Variants in CNTN4 observed in about 807,000 individuals in gnomAD.
CNTN4 encodes the protein contactin 4.
Under a neutral mutation model 122.5 loss-of-function variants are expected in CNTN4, and 77 were observed. The observed-to-expected ratio is 0.63, with a 90% CI of 0.52 to 0.76. CNTN4 has a LOEUF of 0.76. CNTN4 is among the 30% of genes least tolerant of loss of function. The probability of loss-of-function intolerance (pLI) is 0.00; values close to 1 mark genes in which losing one functional copy is unlikely to be tolerated. For missense variants in CNTN4, 1,256 were observed against 1,259.1 expected (o/e 1.00, Z 0.04); for synonymous variants, 512 against 447.0 (o/e 1.15, Z -1.83).
At chr3:2,099,647 A>T (rs993553962) in intron 1 of CNTN4, 9 of 152,256 alleles carry the variant, frequency 5.9e-5, no homozygotes, top group Non-Finnish European at 1.3e-4. Flanking sequence ...GCTCTTAGGG[A>T]AGGTACCTGG....
intron 2 of CNTN4, among the ~76,000 whole-genome samples, chr3:2,203,210 A>G (rs1286725819): frequency 6.6e-6 from 1 of 152,132 alleles, no homozygotes; most frequent in Non-Finnish European, 1.5e-5. Context: ...ACAGTATTTA[A>G]CATTTTCAGG....
chr3:2,562,204 C>T (rs955607040), intron 3 of CNTN4, among the ~76,000 whole-genome samples: 1 of 152,076 alleles, frequency 6.6e-6, no homozygotes, highest in African/African-American at 2.4e-5. Context: ...GTTTAAATAT[C>T]CACAATCTTA....
At chr3:2,166,329 T>A (rs2036193650) in intron 2 of CNTN4, among the ~76,000 whole-genome samples, 1 of 152,008 alleles carries the variant, frequency 6.6e-6, no homozygotes, top group African/African-American at 2.4e-5. Flanking sequence ...TGATAATAAT[T>A]ATTATCAAAA....
intron 7 of CNTN4, among the ~76,000 whole-genome samples, chr3:2,839,776 A>G (rs553851228): frequency 2.0e-5 from 3 of 152,308 alleles, no homozygotes; most frequent in East Asian, 3.9e-4. Context: ...CTTGATTTCC[A>G]TGGGTTACAC....
chr3:2,663,561 C>T (rs981316094), intron 4 of CNTN4, among the ~76,000 whole-genome samples: 1 of 152,058 alleles, frequency 6.6e-6, no homozygotes, highest in Non-Finnish European at 1.5e-5. Flanking sequence ...TGTAGGTTTC[C>T]TTGAAGCATG....
At chr3:2,906,873 G>T (rs2094240807) in intron 12 of CNTN4, among the ~76,000 whole-genome samples, 1 of 150,386 alleles carries the variant, frequency 6.6e-6, no homozygotes, top group African/African-American at 2.4e-5. Context: ...AAAGAGAAAA[G>T]AAAAAGAAAG....
At chr3:2,816,762 A>C (rs2092741162) in intron 6 of CNTN4, among the ~76,000 whole-genome samples, 1 of 141,832 alleles carries the variant, frequency 7.1e-6, no homozygotes, top group Non-Finnish European at 1.5e-5. Context: ...TGGAGCTTGC[A>C]GTGAGCCGTG....
chr3:2,573,951 T>C (rs1410706819), intron 4 of CNTN4, among the ~76,000 whole-genome samples: 2 of 152,220 alleles, frequency 1.3e-5, no homozygotes, highest in African/African-American at 4.8e-5. Flanking sequence ...GCATGGTGTC[T>C]CATGCCTGTA....
intron 2 of CNTN4, among the ~76,000 whole-genome samples, chr3:2,191,579 A>T (rs1276068430): frequency 6.6e-6 from 1 of 151,998 alleles, no homozygotes; most frequent in African/African-American, 2.4e-5. Flanking sequence ...GTAAATATTT[A>T]ACTTTTTTTT....
intron 14 of CNTN4, among the ~76,000 whole-genome samples, chr3:3,013,548 T>C (rs965236104): frequency 3.3e-5 from 5 of 152,088 alleles, no homozygotes; most frequent in Admixed American, 2.0e-4. Context: ...GGGTATCCTA[T>C]TGACCGCCAG....
intron 4 of CNTN4, among the ~76,000 whole-genome samples, chr3:2,638,362 T>C (rs1193594095): frequency 6.6e-6 from 1 of 152,190 alleles, no homozygotes; most frequent in Non-Finnish European, 1.5e-5. Flanking sequence ...ATAAAAGGTT[T>C]CCCTTTCAGG....
At chr3:2,496,598 G>A (rs1275578005) in intron 3 of CNTN4, among the ~76,000 whole-genome samples, 1 of 152,076 alleles carries the variant, frequency 6.6e-6, no homozygotes, top group Admixed American at 6.6e-5. Flanking sequence ...TGTGATGGGT[G>A]GTTGGAAAGC....
At chr3:2,757,914 T>A (rs1271390351) in intron 6 of CNTN4, among the ~76,000 whole-genome samples, 1 of 152,212 alleles carries the variant, frequency 6.6e-6, no homozygotes, top group Non-Finnish European at 1.5e-5. Context: ...AAATATGTAT[T>A]TAGGGTACAC....
chr3:2,429,779 A>G (rs959338031), intron 3 of CNTN4, among the ~76,000 whole-genome samples: 3 of 152,186 alleles, frequency 2.0e-5, no homozygotes, highest in Non-Finnish European at 2.9e-5. Context: ...AGCCTCAGCA[A>G]TGGTGGGTGC....
chr3:2,541,140 T>C (rs2078015493), intron 3 of CNTN4, among the ~76,000 whole-genome samples: 1 of 152,100 alleles, frequency 6.6e-6, no homozygotes, highest in African/African-American at 2.4e-5. Context: ...AATTATTTGT[T>C]TGCACCCTTA....
At chr3:2,544,093 T>C (rs2149315891) in intron 3 of CNTN4, among the ~76,000 whole-genome samples, 1 of 152,238 alleles carries the variant, frequency 6.6e-6, no homozygotes, top group East Asian at 1.9e-4. Flanking sequence ...AATTCACACT[T>C]ACAAATCAAG....
At chr3:2,159,352 T>C (rs1402577674) in intron 2 of CNTN4, among the ~76,000 whole-genome samples, 1 of 151,946 alleles carries the variant, frequency 6.6e-6, no homozygotes, top group Non-Finnish European at 1.5e-5. Context: ...TTTAACAATA[T>C]CAAAACAGAA....
At chr3:2,264,725 AT>A (rs1318546594) in intron 2 of CNTN4, among the ~76,000 whole-genome samples, 1 of 151,902 alleles carries the variant, frequency 6.6e-6, no homozygotes, top group Non-Finnish European at 1.5e-5. Context: ...GTTCTGTATC[AT>A]TTCCTCTGGT....
chr3:2,449,838 C>T (rs2048760702), intron 3 of CNTN4, among the ~76,000 whole-genome samples: 1 of 151,976 alleles, frequency 6.6e-6, no homozygotes, highest in Non-Finnish European at 1.5e-5. Flanking sequence ...TAAAATAAGC[C>T]AGACACAGGA....
Sources: gnomAD v4.1 joint callset for allele counts (sites outside exome capture counted in the v4.1 genomes callset) on GRCh38, gnomAD v4.1.1 for gene constraint, MANE v1.5 for transcripts, NCBI Gene and HGNC (gene_info 2026-07-23, HGNC 2026-07-21) for gene names.